NSD1: variants seen among roughly 807,000 people sequenced by gnomAD.
NSD1 encodes the protein nuclear receptor binding SET domain protein 1.
In NSD1, 26 loss-of-function variants were observed where a neutral mutation model predicts 242.7. That is an observed-to-expected ratio of 0.11 (90% CI 0.08 to 0.15). The LOEUF is 0.15. NSD1 is among the 10% of genes least tolerant of loss of function. NSD1 has a pLI of 1.00. For synonymous variants in NSD1, 1,106 were observed against 1,178.1 expected, an observed-to-expected ratio of 0.94 and a Z score of 1.25; for missense variants, 2,495 against 3,272.8, an observed-to-expected ratio of 0.76 and a Z score of 5.80.
chr5:177,250,472 ATAAT>A (rs1755846942), intron 11 of NSD1, among the ~76,000 whole-genome samples: 1 of 152,200 alleles, frequency 6.6e-6, no homozygotes, highest in Admixed American at 6.5e-5. Context: ...TCCCAGTTGA[ATAAT>A]TAGTCTATAA....
At chr5:177,182,714 G>T (rs1452702317) in intron 2 of NSD1, among the ~76,000 whole-genome samples, 1 of 151,880 alleles carries the variant, frequency 6.6e-6, no homozygotes, top group Non-Finnish European at 1.5e-5. Context: ...TCAGCTCACT[G>T]TAACCTTCCA....
chr5:177,161,492 A>C (rs570760432), intron 2 of NSD1, among the ~76,000 whole-genome samples: 55 of 151,960 alleles, frequency 3.6e-4, no homozygotes, highest in African/African-American at 1.3e-3. Flanking sequence ...ATTTTTAAAA[A>C]ATTTTTTTCT....
intron 12 of NSD1, among the ~76,000 whole-genome samples, chr5:177,252,257 G>A (rs1282848885): frequency 1.3e-5 from 2 of 152,138 alleles, no homozygotes; most frequent in African/African-American, 4.8e-5. Flanking sequence ...GATATTTTAG[G>A]TAAAAGGCAT....
chr5:177,160,136 C>G (rs1758621103), intron 2 of NSD1, among the ~76,000 whole-genome samples: 1 of 152,004 alleles, frequency 6.6e-6, no homozygotes, highest in Non-Finnish European at 1.5e-5. Flanking sequence ...GGTGATGTGC[C>G]TGCCTCCGCC....
chr5:177,265,206 C>T, intron 14 of NSD1: 1 of 779,682 alleles, frequency 1.3e-6, no homozygotes, highest in South Asian at 1.3e-5. Flanking sequence ...GGAGTCTGAG[C>T]TGCTGGAACC....
rs1554173336 is a variant in NSD1 at position 177,159,009 on chromosome 5, T to TATATATGAATG, written c.927+22985_927+22986insGAATGATATAT. On this transcript the variant is annotated intron_variant, in intron 2 of 22. Coordinates refer to ENST00000439151, the MANE Select transcript of NSD1 (RefSeq NM_022455.5). ...ATATATGAATGATTTTATATATATA[T>TATATATGAATG]ATATATATATATATATGAATGATAT... Among the ~76,000 whole-genome samples, 43 of 97,752 alleles carry TATATATGAATG rather than the reference T, an allele frequency of 4.4e-4. 1 individual carries two copies. The highest frequency in any genetic ancestry group is 1.8e-3 in the African/African-American group (42 of 23,664). 64.1% of individuals were successfully genotyped at this position (97,752 alleles called of 152,430 possible).
chr5:177,265,718 T>C (rs1757375867), intron 14 of NSD1: 8 of 1,600,996 alleles, frequency 5.0e-6, no homozygotes, highest in South Asian at 3.3e-5. Flanking sequence ...CAAGGTCAGG[T>C]AGTCCTCCAT....
chr5:177,294,923 G>A lies in NSD1; in HGVS notation c.7555G>A (p.Ala2519Thr). Residue 2519 changes from alanine to threonine, a missense_variant, in exon 23 of 23, where the codon GCA becomes ACA. Physicochemically the swap from Ala to Thr is moderately conservative, Grantham distance 58. Around this residue, in one of 19 missense-constraint regions of NSD1, gnomAD observed 475 missense variants for 563.7 expected, o/e 0.84. Transcript: ENST00000439151. ...AGATCCTCTTCAGACATCTGGGAAA[G>A]CAGCAGCCCCTTCAGAGGACCCCTG... The part of the protein sequence containing the change: ...VSDPLQTSGK[A>T]AAPSEDPWQA... 1 of 1,614,140 alleles carries A rather than the reference G, an allele frequency of 6.2e-7. No homozygotes were observed. The highest frequency in any genetic ancestry group is 8.5e-7 in the Non-Finnish European group (1 of 1,180,020).
At chr5:177,159,099 G>A (rs1458576058) in intron 2 of NSD1, among the ~76,000 whole-genome samples, 1 of 145,346 alleles carries the variant, frequency 6.9e-6, no homozygotes, top group Non-Finnish European at 1.5e-5. Context: ...CAGGAGTGCA[G>A]TGGTGCCATT....
Position 177,235,924 on chromosome 5 carries a change from G to A in NSD1, c.3900G>A (p.Lys1300=). The change falls in exon 6 of 23, where the codon AAG becomes AAA. Residue 1300 remains lysine (K), a synonymous_variant. Coordinates refer to ENST00000439151, the MANE Select transcript of NSD1 (RefSeq NM_022455.5). ...QIFAPKKKQK[K]VQEQVHKVSS... ...TTGCTCCTAAGAAAAAACAAAAGAA[G>A]GTACAGGAGCAGGTGCACAAGGTAT... is the stretch of plus-strand genomic sequence containing the variant. The A allele has an allele frequency of 6.2e-7, 1 of 1,613,890 alleles. No homozygotes were observed. The highest frequency in any genetic ancestry group is 1.1e-5 in the South Asian group (1 of 91,070).
Position 177,235,705 on chromosome 5 carries a change from A to C in NSD1, c.3797-116A>C, listed in dbSNP as rs535551727. 1.1e-4 allele frequency: 156 copies of C among 1,366,590 alleles called. 1 individual carries two copies. Among genetic ancestry groups the C allele is most frequent in the Middle Eastern group, 3.6e-4 (2 of 5,490 alleles). The allele number at this position is 1,366,590 out of a possible 1,614,324, so 84.7% of individuals were successfully genotyped here. The stretch of plus-strand genomic sequence containing the variant: ...CCTCTTGCATCTTAAGCCATAGTCT[A>C]TTTTACTATGTGGTTTCCCATCTGG... On this transcript the variant is annotated intron_variant, in intron 5 of 22. Transcript: ENST00000439151.
rs893687840 is a variant in NSD1, at chr5:177,181,435, T to TG, written c.928-10449_928-10448insG. ...TTATGGGTTTTTTTTTGGTTTTTTT[T>TG]TTTTTTTTTTGGCAGGTTCTCACCT... On this transcript the variant is annotated intron_variant, in intron 2 of 22. Coordinates refer to ENST00000439151, the MANE Select transcript of NSD1 (RefSeq NM_022455.5). Among the ~76,000 whole-genome samples, 61 of 145,600 alleles carry TG rather than the reference T, an allele frequency of 4.2e-4. 1 individual carries two copies. The highest frequency in any genetic ancestry group is 1.4e-3 in the African/African-American group (55 of 38,674).
At chr5:177,257,236 T>TTTTC (rs1756554101) in intron 13 of NSD1, 85 bp downstream of exon 13, 1 of 1,199,258 alleles carries the variant, frequency 8.3e-7, no homozygotes, top group South Asian at 1.4e-5. Context: ...TTCTTTTTTT[T>TTTTC]TTTTTTTTTT....
At chr5:177,256,529 C>T (rs1164966982) in intron 12 of NSD1, among the ~76,000 whole-genome samples, 2 of 152,166 alleles carry the variant, frequency 1.3e-5, no homozygotes, top group Non-Finnish European at 2.9e-5. Context: ...GCCAGCCACT[C>T]ACCTCAGCCT....
Position 177,210,044 on chromosome 5 carries a change from A to G in NSD1, c.1645A>G (p.Asn549Asp). The G allele has an allele frequency of 6.2e-7, 1 of 1,614,112 alleles. No individual in the cohort carries two copies. The highest frequency in any genetic ancestry group is 8.5e-7 in the Non-Finnish European group (1 of 1,180,004). ...SGDISDTQAS[N>D]ELSRIANSLT... The stretch of plus-strand genomic sequence containing the variant: ...GGATATATCTGATACGCAGGCCTCT[A>G]ATGAACTTTCCAGGATAGCAAATAG... The change falls in exon 5 of 23, where the codon AAT (asparagine) becomes GAT (aspartate). Residue 549 changes from asparagine (N) to aspartate (D), a missense_variant. Asn to Asp is a conservative substitution (Grantham distance 23). Coordinates refer to ENST00000439151, the MANE Select transcript of NSD1 (RefSeq NM_022455.5).
In NSD1 at chr5:177,226,863, A is replaced by G. The variant is rs529959564; in HGVS notation, c.3797-8958A>G. ...AATTTTGTTAAGGGGCTGCATGTATAGTTTTGATATGAATGAAGCTATGTT... is the reference window on the plus strand; with the variant it reads ...AATTTTGTTAAGGGGCTGCATGTATGGTTTTGATATGAATGAAGCTATGTT... On this transcript the variant is annotated intron_variant, in intron 5 of 22. Coordinates refer to ENST00000439151, the MANE Select transcript of NSD1 (RefSeq NM_022455.5). 5.1e-4 allele frequency among the ~76,000 whole-genome samples: 78 copies of G among 152,260 alleles called. 1 individual carries two copies. Among genetic ancestry groups the G allele is most frequent in the African/African-American group, 1.9e-3 (77 of 41,552 alleles).
intron 2 of NSD1, among the ~76,000 whole-genome samples, chr5:177,167,852 C>A (rs1759341940): frequency 6.6e-6 from 1 of 152,064 alleles, no homozygotes; most frequent in South Asian, 2.1e-4. Context: ...AGGATGTAAC[C>A]CCATTGTGAG....
In NSD1 at chr5:177,212,030, G is replaced by C; in HGVS notation, c.3631G>C (p.Ala1211Pro). ...GTTTCCAGAGCATAGAACTCCTTCAGCAAGCATACTTGAGGAACCACTGAC... is the reference window on the plus strand; with the variant it reads ...GTTTCCAGAGCATAGAACTCCTTCACCAAGCATACTTGAGGAACCACTGAC... ...DEFPEHRTPS[A>P]SILEEPLTEQ... Residue 1211 changes from alanine to proline, a missense_variant, in exon 5 of 23, where the codon GCA becomes CCA. Ala to Pro is a conservative substitution (Grantham distance 27, BLOSUM62 -1). Around this residue, in one of 19 missense-constraint regions of NSD1, gnomAD observed 426 missense variants for 411.4 expected, o/e 1.04. Transcript: ENST00000439151. The C allele has an allele frequency of 6.2e-7, 1 of 1,614,166 alleles. No individual in the cohort carries two copies. Among genetic ancestry groups the C allele is most frequent in the Non-Finnish European group, 8.5e-7 (1 of 1,180,024 alleles).
At chr5:177,209,310 T>G (rs1763140961) in intron 4 of NSD1, among the ~76,000 whole-genome samples, 2 of 151,738 alleles carry the variant, frequency 1.3e-5, no homozygotes, top group African/African-American at 4.8e-5. Context: ...AGCGGATCAC[T>G]TCAGGTCAGG....
Sources: allele counts gnomAD v4.1 joint callset (sites outside exome capture counted in the v4.1 genomes callset), GRCh38; gene constraint gnomAD v4.1.1; regional missense constraint gnomAD v4.1.1; transcripts MANE v1.5; gene names NCBI Gene and HGNC (gene_info 2026-07-23, HGNC 2026-07-21).